Variants in TENM3 observed in about 807,000 individuals in gnomAD.
TENM3 encodes the protein teneurin transmembrane protein 3.
A neutral mutation model predicts 255.1 loss-of-function variants in TENM3; 63 were observed. That is an observed-to-expected ratio of 0.25 (90% confidence interval 0.20 to 0.30). TENM3 has a LOEUF of 0.30. Ranked by LOEUF, TENM3 falls within the 10% of genes least tolerant of loss-of-function variation. TENM3 has a pLI of 1.00. For synonymous variants in TENM3, 1,306 were observed against 1,322.3 expected, an observed-to-expected ratio of 0.99 and a Z score of 0.27; for missense variants, 2,929 against 3,461.1, an observed-to-expected ratio of 0.85 and a Z score of 3.86.
chr4:181,879,976 A>G, the TENM3 span, among the ~76,000 whole-genome samples: 1 of 152,236 alleles, frequency 6.6e-6, no homozygotes, highest in Admixed American at 6.5e-5. Flanking sequence ...TCCAAAATTC[A>G]ACTCTTGCAT....
chr4:182,199,352 G>A (rs1754034823), intron 1 of TENM3, among the ~76,000 whole-genome samples: 1 of 152,160 alleles, frequency 6.6e-6, no homozygotes, highest in Non-Finnish European at 1.5e-5. Context: ...AACCCAGGAT[G>A]CGGAGGTTGC....
At chr4:182,735,051 C>G (rs1761058762) in intron 16 of TENM3, among the ~76,000 whole-genome samples, 1 of 152,186 alleles carries the variant, frequency 6.6e-6, no homozygotes, top group Non-Finnish European at 1.5e-5. Flanking sequence ...TGATATTTCA[C>G]TGATTATGGG....
rs1765897944 is a variant in TENM3, at chr4:182,789,029, A to G, written c.5305-64A>G. 1 of 1,406,518 alleles carries G rather than the reference A, an allele frequency of 7.1e-7. No individual in the cohort carries two copies. The highest frequency in any genetic ancestry group is 9.6e-7 in the Non-Finnish European group (1 of 1,039,032). The allele number at this position is 1,406,518 out of a possible 1,614,324, so 87.1% of individuals were successfully genotyped here. Reference sequence around the variant, plus strand: ...AATCATCGTAAATGGTGTTTAAACAATACTGGGGACTCCGGTGTTGGAATA... The same window carrying G: ...AATCATCGTAAATGGTGTTTAAACAGTACTGGGGACTCCGGTGTTGGAATA... On this transcript the variant is annotated intron_variant, in intron 24 of 27. Coordinates refer to ENST00000511685, the MANE Select transcript of TENM3 (RefSeq NM_001080477.4). The surrounding 1 kb of genome is among the most constrained non-coding windows in gnomAD (Gnocchi z 4.4).
chr4:182,074,614 A>T, the TENM3 span, among the ~76,000 whole-genome samples: 1 of 152,230 alleles, frequency 6.6e-6, no homozygotes, highest in Non-Finnish European at 1.5e-5. Flanking sequence ...AGAAAGAAAG[A>T]TGGAAACTAC....
At chr4:181,956,654 T>C in the TENM3 span, among the ~76,000 whole-genome samples, 1 of 152,224 alleles carries the variant, frequency 6.6e-6, no homozygotes, top group African/African-American at 2.4e-5. Context: ...TTTGATTACT[T>C]GCACAAATGC....
chr4:181,473,257 T>C, the TENM3 span, among the ~76,000 whole-genome samples: 4 of 152,258 alleles, frequency 2.6e-5, no homozygotes, highest in African/African-American at 9.6e-5. Flanking sequence ...TGGTTGTTTT[T>C]CACAGACACC....
Position 182,507,190 on chromosome 4 carries a change from C to G in TENM3, c.512-93734C>G, listed in dbSNP as rs187916895. Among the ~76,000 whole-genome samples, 12 of 152,156 alleles carry G rather than the reference C, an allele frequency of 7.9e-5. No homozygotes were observed. The East Asian group carries it at 2.1e-3, about 27-fold the overall frequency. On this transcript the variant is annotated intron_variant, in intron 3 of 27. Transcript: ENST00000511685. ...AAAATTAGATGAAGTAAAAGAAGCCCGAGTTATTCAAAATGTAAAGACCTT... is the reference window on the plus strand; with the variant it reads ...AAAATTAGATGAAGTAAAAGAAGCCGGAGTTATTCAAAATGTAAAGACCTT...
chr4:181,865,850 G>A, the TENM3 span, among the ~76,000 whole-genome samples: 1 of 151,932 alleles, frequency 6.6e-6, no homozygotes, highest in African/African-American at 2.4e-5. Context: ...AGACTTGACT[G>A]GAAAAAATCT....
chr4:182,191,506 C>T (rs1753515745), intron 1 of TENM3, among the ~76,000 whole-genome samples: 1 of 152,148 alleles, frequency 6.6e-6, no homozygotes, highest in Non-Finnish European at 1.5e-5. Flanking sequence ...TCTCCCTTCT[C>T]CTTACGTACA....
rs191322462 is a variant in TENM3, at chr4:182,425,375, C to A, written c.511+78446C>A. On this transcript the variant is annotated intron_variant, in intron 3 of 27. Transcript: ENST00000511685. ...TCCTAAATGCTGAGATCTGGTCTAA[C>A]TCATATTAACCTCCTCTGTAAGGAT... Among the ~76,000 whole-genome samples the A allele has an allele frequency of 1.7e-3, 255 of 152,316 alleles. 1 individual carries two copies. The highest frequency in any genetic ancestry group is 5.8e-3 in the African/African-American group (242 of 41,578).
the TENM3 span, among the ~76,000 whole-genome samples, chr4:181,701,400 A>G: frequency 6.6e-6 from 1 of 152,366 alleles, no homozygotes; most frequent in East Asian, 1.9e-4. Context: ...TCAGAGATAC[A>G]TCATGCATAA....
chr4:181,808,923 G>C, the TENM3 span, among the ~76,000 whole-genome samples: 3 of 152,202 alleles, frequency 2.0e-5, no homozygotes, highest in Admixed American at 2.0e-4. Flanking sequence ...GATGAGATGT[G>C]TTAACAATTG....
At chr4:182,198,607 C>T (rs1467009978) in intron 1 of TENM3, among the ~76,000 whole-genome samples, 1 of 152,182 alleles carries the variant, frequency 6.6e-6, no homozygotes, top group African/African-American at 2.4e-5. Flanking sequence ...GGATGTGGAG[C>T]AGTTGGAATG....
rs1413174849 is a variant in TENM3, at chr4:182,533,292, T to C, written c.512-67632T>C. 2.0e-5 allele frequency among the ~76,000 whole-genome samples: 3 copies of C among 152,158 alleles called. No homozygotes were observed. In the East Asian group the frequency reaches 5.8e-4, roughly 29 times the overall value. On this transcript the variant is annotated intron_variant, in intron 3 of 27. Transcript: ENST00000511685. ...TTTGCTGGGCACGGTGGCTCATGCC[T>C]GTAGTCCCAAGCACTTTGAGAGGCT...
the TENM3 span, among the ~76,000 whole-genome samples, chr4:181,662,325 A>G: frequency 1.3e-5 from 2 of 152,210 alleles, no homozygotes; most frequent in Non-Finnish European, 2.9e-5. Flanking sequence ...GCTAAAATAA[A>G]TGAGTTATTT....
At chr4:181,467,378 G>A in the TENM3 span, among the ~76,000 whole-genome samples, 5 of 150,816 alleles carry the variant, frequency 3.3e-5, no homozygotes, top group South Asian at 6.3e-4. Flanking sequence ...CAGGTGGTCC[G>A]CCTGCCTTGG....
chr4:181,862,834 T>A, the TENM3 span, among the ~76,000 whole-genome samples: 1 of 152,088 alleles, frequency 6.6e-6, no homozygotes, highest in African/African-American at 2.4e-5. Context: ...ATATGAAACA[T>A]GAAAGGTAAC....
At position 182,406,343 on chromosome 4, in the gene TENM3, T is replaced by C. The variant is rs190705263; in HGVS notation, c.511+59414T>C. Among the ~76,000 whole-genome samples the C allele has an allele frequency of 3.1e-3, 465 of 152,168 alleles. 6 individuals are homozygous for C. The highest frequency in any genetic ancestry group is 0.022 in the Admixed American group (337 of 15,274). On this transcript the variant is annotated intron_variant, in intron 3 of 27. Transcript: ENST00000511685. ...AAAAATAAATAAAAAATAAGGCTTT[T>C]GCAGAAGCCTGGGCATGCATTAACA...
At chr4:181,787,786 A>G in the TENM3 span, among the ~76,000 whole-genome samples, 10 of 152,122 alleles carry the variant, frequency 6.6e-5, 1 homozygote, top group African/African-American at 2.2e-4. Context: ...GGCCGAACCA[A>G]CGTATACCTT....
Sources: allele counts gnomAD v4.1 joint callset (sites outside exome capture counted in the v4.1 genomes callset), GRCh38; gene constraint gnomAD v4.1.1; non-coding constraint Gnocchi (gnomAD v3.1); transcripts MANE v1.5; gene names NCBI Gene and HGNC (gene_info 2026-07-23, HGNC 2026-07-21).